The following UBE2D2 variants were observed in gnomAD, a reference collection of about 807,000 sequenced individuals.
The protein encoded by UBE2D2 is ubiquitin conjugating enzyme E2 D2.
A neutral mutation model predicts 24.2 loss-of-function variants in UBE2D2; 2 were observed. The ratio of observed to expected loss-of-function variants is 0.08; its 90% CI spans 0.03 to 0.26. UBE2D2 has a LOEUF of 0.26. UBE2D2 is among the 10% of genes least tolerant of loss of function. UBE2D2 has a pLI of 1.00. For synonymous variants in UBE2D2, 58 were observed against 56.5 expected, an observed-to-expected ratio of 1.03 and a Z score of -0.12; for missense variants, 44 against 177.6, an observed-to-expected ratio of 0.25 and a Z score of 4.28.
chr5:139,571,933 A>G (rs1753360254), intron 1 of UBE2D2, among the ~76,000 whole-genome samples: 1 of 151,870 alleles, frequency 6.6e-6, no homozygotes, highest in South Asian at 2.1e-4. Context: ...CCCCTATAAA[A>G]AAAAAAAAAG....
intron 2 of UBE2D2, among the ~76,000 whole-genome samples, chr5:139,602,074 T>G (rs914282208): frequency 2.6e-5 from 4 of 152,144 alleles, no homozygotes; most frequent in African/African-American, 9.7e-5. Context: ...TTTTTTAAGA[T>G]GGAGTCTCAC....
intron 1 of UBE2D2, among the ~76,000 whole-genome samples, chr5:139,584,077 A>T (rs569351703): frequency 5.9e-5 from 9 of 152,322 alleles, no homozygotes; most frequent in African/African-American, 2.2e-4. Context: ...CCTCACATTC[A>T]TTCATTACGG....
At chr5:139,548,356 G>A (rs760806767) in intron 1 of UBE2D2, among the ~76,000 whole-genome samples, 16 of 151,768 alleles carry the variant, frequency 1.1e-4, no homozygotes, top group African/African-American at 3.9e-4. Flanking sequence ...TCTGTGGATT[G>A]AACCGCCAGA....
At chr5:139,533,586 G>A (rs1040442023) in intron 1 of UBE2D2, among the ~76,000 whole-genome samples, 2 of 151,332 alleles carry the variant, frequency 1.3e-5, no homozygotes, top group Non-Finnish European at 2.9e-5. Flanking sequence ...GGAGGAGGAG[G>A]TTGCGGTGAG....
At chr5:139,540,670 T>C (rs1441596580) in intron 1 of UBE2D2, among the ~76,000 whole-genome samples, 1 of 152,186 alleles carries the variant, frequency 6.6e-6, no homozygotes, top group Non-Finnish European at 1.5e-5. Context: ...ACATACAGTG[T>C]CTATATTTGT....
intron 1 of UBE2D2, among the ~76,000 whole-genome samples, chr5:139,588,768 A>C (rs566897550): frequency 1.6e-4 from 24 of 152,134 alleles, no homozygotes; most frequent in Non-Finnish European, 3.1e-4. Context: ...CTGGAACCTG[A>C]TGTAACTTCT....
intron 6 of UBE2D2, among the ~76,000 whole-genome samples, chr5:139,624,776 C>T (rs1252459456): frequency 2.6e-5 from 4 of 152,190 alleles, no homozygotes; most frequent in Non-Finnish European, 5.9e-5. Flanking sequence ...GCAAGACTCA[C>T]GTCTCCAACT....
chr5:139,550,959 C>T (rs1422972127), intron 1 of UBE2D2, among the ~76,000 whole-genome samples: 2 of 152,096 alleles, frequency 1.3e-5, no homozygotes, highest in African/African-American at 4.8e-5. Context: ...CCAGATACAC[C>T]ACAGTATCAT....
Position 139,536,955 on chromosome 5 carries a change from G to A in UBE2D2, c.-64+10343G>A, listed in dbSNP as rs76022239. 2.6e-5 allele frequency among the ~76,000 whole-genome samples: 4 copies of A among 152,070 alleles called. No individual in the cohort carries two copies. In the South Asian group the frequency reaches 6.2e-4, roughly 24 times the overall value. ...AGCACTTTGGGAGGCCAAGGCGGGC[G>A]GAACACGAGGTCAGGAGATCGAGAC... is the stretch of plus-strand genomic sequence containing the variant. On this transcript the variant is annotated intron_variant, in intron 1 of 6. Coordinates refer to the UBE2D2 transcript ENST00000511725.
intron 1 of UBE2D2, among the ~76,000 whole-genome samples, chr5:139,549,132 C>T (rs1289993577): frequency 6.6e-6 from 1 of 152,196 alleles, no homozygotes; most frequent in Non-Finnish European, 1.5e-5. Flanking sequence ...CAGGTGTGAG[C>T]CACTGTGCCC....
chr5:139,564,279 G>A (rs979199336), intron 1 of UBE2D2, among the ~76,000 whole-genome samples: 3 of 151,898 alleles, frequency 2.0e-5, no homozygotes, highest in East Asian at 1.9e-4. Context: ...TCAGCCTCCC[G>A]AGTAGCTGGG....
intron 1 of UBE2D2, among the ~76,000 whole-genome samples, chr5:139,589,825 C>T (rs1753806191): frequency 6.6e-6 from 1 of 151,846 alleles, no homozygotes; most frequent in Non-Finnish European, 1.5e-5. Context: ...TGCTCCGTCG[C>T]CCAGGCTGGA....
intron 1 of UBE2D2, among the ~76,000 whole-genome samples, chr5:139,548,193 A>AAAATAATAATAAATAAAT (rs1752863877): frequency 4.2e-5 from 2 of 47,104 alleles, no homozygotes; most frequent in African/African-American, 2.2e-4. Context: ...ATAAAAAAAA[A>AAAATAATAATAAATAAAT]AAATAAATAA....
At chr5:139,565,775 G>T (rs545274890) in intron 1 of UBE2D2, among the ~76,000 whole-genome samples, 49 of 152,196 alleles carry the variant, frequency 3.2e-4, no homozygotes, top group Admixed American at 2.0e-3. Flanking sequence ...CTCTTAGAGT[G>T]CTGTAATGTT....
chr5:139,538,022 T>G (rs1191576998), intron 1 of UBE2D2, among the ~76,000 whole-genome samples: 10 of 152,028 alleles, frequency 6.6e-5, no homozygotes, highest in African/African-American at 9.7e-5. Context: ...GATACAGTTT[T>G]TTTGTTTGTT....
chr5:139,568,133 C>T (rs915582144), intron 1 of UBE2D2, among the ~76,000 whole-genome samples: 1 of 151,538 alleles, frequency 6.6e-6, no homozygotes, highest in African/African-American at 2.4e-5. Context: ...CACCTGAGGT[C>T]AGGAGTTCGA....
intron 5 of UBE2D2, among the ~76,000 whole-genome samples, chr5:139,619,212 A>G (rs1417317485): frequency 1.3e-5 from 2 of 152,094 alleles, no homozygotes; most frequent in Non-Finnish European, 2.9e-5. Context: ...CCTGGCCAAC[A>G]TAGTGAAACC....
At chr5:139,546,417 T>G (rs1211525743) in intron 1 of UBE2D2, among the ~76,000 whole-genome samples, 1 of 152,142 alleles carries the variant, frequency 6.6e-6, no homozygotes, top group East Asian at 1.9e-4. Flanking sequence ...ACTCCTGACC[T>G]CATGAACCAC....
chr5:139,579,568 G>T (rs1450180419), intron 1 of UBE2D2, among the ~76,000 whole-genome samples: 1 of 152,126 alleles, frequency 6.6e-6, no homozygotes, highest in African/African-American at 2.4e-5. Context: ...GGGATTACAG[G>T]CATGAACAAC....
Sources: gnomAD v4.1 joint callset for allele counts (sites outside exome capture counted in the v4.1 genomes callset) on GRCh38, gnomAD v4.1.1 for gene constraint, MANE v1.5 for transcripts, NCBI Gene and HGNC (gene_info 2026-07-23, HGNC 2026-07-21) for gene names.